Variants in USB1 observed in about 807,000 individuals in gnomAD.
USB1 encodes U6 snRNA biogenesis phosphodiesterase 1.
Under a neutral mutation model 29.9 loss-of-function variants are expected in USB1, and 21 were observed. The observed-to-expected ratio is 0.70, with a 90% CI of 0.50 to 1.01. USB1 has a LOEUF of 1.01. USB1 is among the 50% of genes least tolerant of loss of function. The pLI is 0.00. For synonymous variants in USB1, 143 were observed against 134.9 expected (o/e 1.06, Z -0.42); for missense variants, 330 against 347.1 (o/e 0.95, Z 0.39).
rs1963726363 is a variant in USB1, at chr16:58,020,828, G to C, written c.*583G>C. 5.9e-6 allele frequency: 1 copy of C among 170,158 alleles called. No individual in the cohort carries two copies. Among genetic ancestry groups the C allele is most frequent in the African/African-American group, 2.4e-5 (1 of 41,650 alleles). The allele number at this position is 170,158 out of a possible 1,614,324, so 10.5% of individuals were successfully genotyped here. A position where few individuals can be genotyped will look rare whatever the true frequency, so the allele number is the denominator to read the frequency against. Reference sequence around the variant, plus strand: ...TTGCAGGTTGGGTGCTGCTGTTGTGGTCCTTCCCAGAAACTGCCAGTAGAG... The same window carrying C: ...TTGCAGGTTGGGTGCTGCTGTTGTGCTCCTTCCCAGAAACTGCCAGTAGAG... On this transcript the variant is annotated 3_prime_UTR_variant, in exon 7 of 7. Transcript: ENST00000219281.
At position 58,020,567 on chromosome 16, in the gene USB1, TTC is replaced by T. The variant is rs1963717117; in HGVS notation, c.*323_*324del. On this transcript the variant is annotated 3_prime_UTR_variant, in exon 7 of 7. Coordinates refer to ENST00000219281, the MANE Select transcript of USB1 (RefSeq NM_024598.4). The stretch of plus-strand genomic sequence containing the variant: ...CTCCTGTCTCTCCTCCCCTCCTCTC[TTC>T]CTCTCCTCTCTCTTCCTCTCCTCTC... The T allele has an allele frequency of 3.8e-5, 13 of 343,338 alleles. No homozygotes were observed. The highest frequency in any genetic ancestry group is 5.3e-5 in the Non-Finnish European group (10 of 187,650). 21.3% of individuals were successfully genotyped at this position (343,338 alleles called of 1,614,324 possible).
rs1256602839 is a variant in USB1, at chr16:58,013,000, G to C, written c.450-1273G>C. 3 of 985,682 alleles carry C rather than the reference G, an allele frequency of 3.0e-6. No individual in the cohort carries two copies. In the African/African-American group the frequency reaches 5.2e-5, roughly 17 times the overall value. 61.1% of individuals were successfully genotyped at this position (985,682 alleles called of 1,614,324 possible). A position where few individuals can be genotyped will look rare whatever the true frequency, so the allele number is the denominator to read the frequency against. ...AAAACAGCACCTGGACCCCTGGGCT[G>C]GTTCCCTCTGAGGAAAGGATCTGTG... On this transcript the variant is annotated intron_variant, in intron 3 of 6. Coordinates refer to ENST00000219281, the MANE Select transcript of USB1 (RefSeq NM_024598.4).
chr16:58,014,610 G>A (rs928085164), intron 4 of USB1, among the ~76,000 whole-genome samples: 3 of 152,024 alleles, frequency 2.0e-5, no homozygotes, highest in Admixed American at 1.3e-4. Flanking sequence ...TGGCCAAACC[G>A]TGTCTCTATG....
At chr16:58,017,004 T>G in intron 4 of USB1, 1 of 368,414 alleles carries the variant, frequency 2.7e-6, no homozygotes, top group Non-Finnish European at 5.2e-6. Flanking sequence ...CAGGAGTCAT[T>G]TGCGATTGGA....
At chr16:58,011,998 T>C in intron 3 of USB1, 1 of 1,127,464 alleles carries the variant, frequency 8.9e-7, no homozygotes, top group Non-Finnish European at 1.1e-6. Context: ...AGAGCCTTTT[T>C]TCAAATGAGG....
chr16:58,018,838 T>G (rs1459902841), intron 5 of USB1, 134 bp from the exon 6 acceptor site: 12 of 843,120 alleles, frequency 1.4e-5, no homozygotes, highest in Non-Finnish European at 2.2e-5. Flanking sequence ...GGATCAACAC[T>G]GAGTATCTTG....
chr16:58,001,290 C>G (rs148733454), upstream of USB1: 7,932 of 679,862 alleles, frequency 0.012, 73 homozygotes, highest in Admixed American at 0.017. Flanking sequence ...TCCGCGTGCG[C>G]AGCCGGCAGA....
rs1963548619 is a variant in USB1, at chr16:58,013,675, G to A, written c.450-598G>A. On this transcript the variant is annotated intron_variant, in intron 3 of 6. Coordinates refer to ENST00000219281, the MANE Select transcript of USB1 (RefSeq NM_024598.4). This position sits in a 1 kb window ranked among gnomAD's most constrained non-coding sequence, Gnocchi z 4.3. The stretch of plus-strand genomic sequence containing the variant: ...TTCCCCTCACGAAAGCGTCATAGGT[G>A]ACAACAAGGACTCTGGAAACAGGCA... 1.0e-6 allele frequency: 1 copy of A among 960,802 alleles called. No individual in the cohort carries two copies. Among genetic ancestry groups the A allele is most frequent in the Non-Finnish European group, 1.2e-6 (1 of 806,008 alleles). 59.5% of individuals were successfully genotyped at this position (960,802 alleles called of 1,614,324 possible).
In USB1 at chr16:58,014,289, A is replaced by C. The variant is rs748682814; in HGVS notation, c.466A>C (p.Asn156His). 6.8e-6 allele frequency: 11 copies of C among 1,613,726 alleles called. No homozygotes were observed. In the Admixed American group the frequency reaches 1.8e-4, roughly 27 times the overall value. ...AAATTTCAGATTCTTCTTTACTGCC[A>C]ACCAGGTAAAGATTTACACCAATCA... The part of the protein sequence containing the change: ...TSFHRFFFTA[N>H]QVKIYTNQEK... Residue 156 changes from asparagine to histidine, a missense_variant, in exon 4 of 7, where the codon AAC becomes CAC. Physicochemically the swap from Asn to His is moderately conservative, Grantham distance 68 (BLOSUM62 1). Transcript: ENST00000219281.
intron 4 of USB1, 66 bp downstream of exon 4, chr16:58,014,392 G>C (rs1374821625): frequency 7.2e-7 from 1 of 1,396,464 alleles, no homozygotes; most frequent in African/African-American, 1.4e-5. Context: ...TGAGTGCTTT[G>C]TTTCTGGACT....
chr16:58,012,804 G>T, intron 3 of USB1: 1 of 999,156 alleles, frequency 1.0e-6, no homozygotes, highest in Non-Finnish European at 1.2e-6. Context: ...AGCATGAACT[G>T]CACCCCTCCA....
chr16:58,009,899 C>T lies in USB1; in HGVS notation c.266-30C>T, dbSNP rs375346576. The T allele has an allele frequency of 2.6e-5, 42 of 1,613,622 alleles. 2 individuals are homozygous for T. In the South Asian group the frequency reaches 3.4e-4, roughly 13 times the overall value. On this transcript the variant is annotated intron_variant, in intron 2 of 6. Coordinates refer to ENST00000219281, the MANE Select transcript of USB1 (RefSeq NM_024598.4). ...AGCCATGGCACCTTGGCTGAGAGAA[C>T]GGCCCGCCCTCTTTACTCCTCCCCT...
intron 2 of USB1, among the ~76,000 whole-genome samples, chr16:58,009,241 C>T (rs73546961): frequency 0.072 from 10,904 of 152,180 alleles, 1,353 homozygotes; most frequent in African/African-American, 0.25. Flanking sequence ...TTTGGTGAGC[C>T]GGTTCCTCTG....
chr16:58,007,183 G>A (rs1963381348), intron 2 of USB1, among the ~76,000 whole-genome samples: 1 of 152,162 alleles, frequency 6.6e-6, no homozygotes, highest in South Asian at 2.1e-4. Flanking sequence ...TTCTTGTAAT[G>A]TCTTTTTCTG....
At position 58,018,908 on chromosome 16, in the gene USB1, TGCTG is replaced by T. The variant is rs543963758; in HGVS notation, c.610-63_610-60del. ...TGTCACGACAGCTCTGTCACAGACC[TGCTG>T]TGAGGGCAGGGCCTGCCAAGGCGTC... On this transcript the variant is annotated intron_variant, in intron 5 of 6. Transcript: ENST00000219281. 57 of 1,521,720 alleles carry T rather than the reference TGCTG, an allele frequency of 3.7e-5. No individual in the cohort carries two copies. The African/African-American group carries it at 7.7e-4, about 20-fold the overall frequency. The allele number at this position is 1,521,720 out of a possible 1,614,324, so 94.3% of individuals were successfully genotyped here.
At chr16:58,018,103 G>A (rs1383187047) in intron 5 of USB1, among the ~76,000 whole-genome samples, 1 of 152,090 alleles carries the variant, frequency 6.6e-6, no homozygotes, top group Non-Finnish European at 1.5e-5. Context: ...GAATACGACT[G>A]TCTTAGCTCA....
upstream of USB1, chr16:58,000,442 G>A (rs1963146978): frequency 1.3e-5 from 2 of 150,156 alleles, no homozygotes; most frequent in African/African-American, 4.9e-5. This position sits in a 1 kb window ranked among gnomAD's most constrained non-coding sequence, Gnocchi z 4.5. Context: ...GGCGAGCGGC[G>A]ACCAGCTGCT....
Position 58,020,408 on chromosome 16 carries a change from T to C in USB1, c.*163T>C, listed in dbSNP as rs1407725738. 1 of 684,250 alleles carries C rather than the reference T, an allele frequency of 1.5e-6. No homozygotes were observed. The highest frequency in any genetic ancestry group is 1.8e-5 in the African/African-American group (1 of 56,128). The allele number at this position is 684,250 out of a possible 1,614,324, so 42.4% of individuals were successfully genotyped here. A position where few individuals can be genotyped will look rare whatever the true frequency, so the allele number is the denominator to read the frequency against. ...ACTCCTCATCCTCCCTGAGTGCTGA[T>C]ATTCTCTCTCTCTCTTTCTCTTCCT... On this transcript the variant is annotated 3_prime_UTR_variant, in exon 7 of 7. Transcript: ENST00000219281.
intron 6 of USB1, among the ~76,000 whole-genome samples, chr16:58,019,500 A>G (rs1318815689): frequency 1.3e-5 from 2 of 152,194 alleles, no homozygotes; most frequent in Non-Finnish European, 2.9e-5. Flanking sequence ...CCCAGAGTCT[A>G]TCAGATTTTG....
Sources: gnomAD v4.1 joint callset for allele counts (sites outside exome capture counted in the v4.1 genomes callset) on GRCh38, gnomAD v4.1.1 for gene constraint, Gnocchi (gnomAD v3.1) non-coding constraint, MANE v1.5 for transcripts, NCBI Gene and HGNC (gene_info 2026-07-23, HGNC 2026-07-21) for gene names.